Variants in ITGA11 observed in about 807,000 individuals in gnomAD.
The protein encoded by ITGA11 is integrin alpha-11.
Under a neutral mutation model 141.9 loss-of-function variants are expected in ITGA11, and 97 were observed. The ratio of observed to expected loss-of-function variants is 0.68; its 90% CI spans 0.58 to 0.81. ITGA11 has a LOEUF of 0.81. Among genes scored for constraint, ITGA11 ranks in the 30% least tolerant of loss-of-function variants. The probability of loss-of-function intolerance (pLI) is 0.00; values close to 1 mark genes in which losing one functional copy is unlikely to be tolerated. For synonymous variants in ITGA11, 658 were observed against 624.6 expected, an observed-to-expected ratio of 1.05 and a Z score of -0.80; for missense variants, 1,387 against 1,559.2, an observed-to-expected ratio of 0.89 and a Z score of 1.86.
Position 68,312,819 on chromosome 15 carries a change from A to G in ITGA11, c.2927T>C (p.Leu976Pro). The change falls in exon 24 of 30, where the codon CTG becomes CCG. Residue 976 changes from leucine (L) to proline (P), a missense_variant. Leu to Pro is a moderately conservative substitution (Grantham distance 98). Transcript: ENST00000315757. Reference protein sequence around the residue: ...SHYEVKPNSSLERYDGIGPPF... With the variant: ...SHYEVKPNSSPERYDGIGPPF... ...AGGCCCGATACCATCGTATCTCTCCAGCGAGCTGTTGGGCTTGACCTCGTA... is the reference window on the plus strand; with the variant it reads ...AGGCCCGATACCATCGTATCTCTCCGGCGAGCTGTTGGGCTTGACCTCGTA... The G allele has an allele frequency of 6.2e-7, 1 of 1,613,896 alleles. No homozygotes were observed. Among genetic ancestry groups the G allele is most frequent in the Non-Finnish European group, 8.5e-7 (1 of 1,179,834 alleles).
rs909256804 is a variant in ITGA11, at chr15:68,310,936, C to T, written c.3174+58G>A. On this transcript the variant is annotated intron_variant, in intron 26 of 29. Transcript: ENST00000315757. ...GTCGGGAGGGAAATGGCCCGCAGAGCACCGGCGGCACGCCTCTAACCCCAA... is the reference window on the plus strand; with the variant it reads ...GTCGGGAGGGAAATGGCCCGCAGAGTACCGGCGGCACGCCTCTAACCCCAA... The T allele has an allele frequency of 6.0e-6, 8 of 1,329,278 alleles. No homozygotes were observed. In the Admixed American group the frequency reaches 7.8e-5, roughly 13 times the overall value. 82.3% of individuals were successfully genotyped at this position (1,329,278 alleles called of 1,614,324 possible). A position where few individuals can be genotyped will look rare whatever the true frequency, so the allele number is the denominator to read the frequency against.
chr15:68,354,574 T>C (rs1226548409), intron 7 of ITGA11, among the ~76,000 whole-genome samples: 1 of 152,204 alleles, frequency 6.6e-6, no homozygotes, highest in Non-Finnish European at 1.5e-5. Flanking sequence ...TCCTTGACTT[T>C]CCCTCTCCTC....
intron 7 of ITGA11, among the ~76,000 whole-genome samples, chr15:68,355,370 TAAAG>T (rs972688548): frequency 6.6e-6 from 1 of 152,214 alleles, no homozygotes; most frequent in African/African-American, 2.4e-5. Flanking sequence ...GACTTAATTA[TAAAG>T]AGTTATGAGG....
chr15:68,332,730 CT>C (rs1336330661), intron 12 of ITGA11, among the ~76,000 whole-genome samples: 1 of 152,146 alleles, frequency 6.6e-6, no homozygotes, highest in African/African-American at 2.4e-5. Flanking sequence ...TTCTTTCTTT[CT>C]GTTAATTTTG....
chr15:68,316,902 C>A (rs922067897), intron 21 of ITGA11, among the ~76,000 whole-genome samples: 1 of 152,220 alleles, frequency 6.6e-6, no homozygotes, highest in African/African-American at 2.4e-5. Context: ...TAGGTACTCA[C>A]GAAATGGTAG....
At chr15:68,332,503 A>G (rs776291659) in intron 12 of ITGA11, 25 bp from the exon 13 acceptor site, 1 of 1,607,676 alleles carries the variant, frequency 6.2e-7, no homozygotes, top group Non-Finnish European at 8.5e-7. Flanking sequence ...GGGAGAGAGG[A>G]GTGGGCTGGC....
intron 20 of ITGA11, among the ~76,000 whole-genome samples, chr15:68,319,867 C>T (rs1415704311): frequency 6.6e-6 from 1 of 152,166 alleles, no homozygotes; most frequent in Admixed American, 6.5e-5. Context: ...CCAGGCCCAA[C>T]CCCAGAGCAA....
At chr15:68,348,408 T>C (rs1894804810) in intron 10 of ITGA11, among the ~76,000 whole-genome samples, 1 of 152,240 alleles carries the variant, frequency 6.6e-6, no homozygotes, top group African/African-American at 2.4e-5. Context: ...CACGTGCCAT[T>C]GGCTTTGCCA....
intron 20 of ITGA11, among the ~76,000 whole-genome samples, chr15:68,318,263 T>A (rs1474152243): frequency 6.6e-6 from 1 of 152,118 alleles, no homozygotes; most frequent in Admixed American, 6.5e-5. Flanking sequence ...TCTCTTTACC[T>A]CCACTCATTT....
intron 1 of ITGA11, among the ~76,000 whole-genome samples, chr15:68,430,748 C>T (rs1897249697): frequency 6.6e-6 from 1 of 152,210 alleles, no homozygotes; most frequent in Non-Finnish European, 1.5e-5. Flanking sequence ...CCTTCCAAGC[C>T]CCCACAACTC....
At position 68,348,880 on chromosome 15, in the gene ITGA11, A is replaced by G; in HGVS notation, c.1081T>C (p.Ser361Pro). 1 of 1,608,522 alleles carries G rather than the reference A, an allele frequency of 6.2e-7. No homozygotes were observed. ...SLEGTNKNET[S>P]FGLEMSQTGF... ...GTCTGTGACATCTCCAGCCCAAAGG[A>G]GGTCTCGTTCTTGTTGGTGCCTGCA... Residue 361 changes from serine to proline, a missense_variant, in exon 10 of 30, where the codon TCC (serine) becomes CCC (proline). Transcript: ENST00000315757.
In ITGA11 at chr15:68,410,429, C is replaced by T. The variant is rs141864974; in HGVS notation, c.53-7400G>A. 1.6e-3 allele frequency among the ~76,000 whole-genome samples: 241 copies of T among 152,176 alleles called. 1 individual carries two copies. The highest frequency in any genetic ancestry group is 5.3e-3 in the African/African-American group (218 of 41,516). On this transcript the variant is annotated intron_variant, in intron 1 of 29. Coordinates refer to ENST00000315757, the MANE Select transcript of ITGA11 (RefSeq NM_001004439.2). ...TTTACTTGGGCCCCAAGAATCTTCA[C>T]GTCTAAAAGCAAATCACAGAGAGGG...
chr15:68,329,019 A>G (rs1293462660), intron 15 of ITGA11, among the ~76,000 whole-genome samples: 1 of 152,234 alleles, frequency 6.6e-6, no homozygotes, highest in African/African-American at 2.4e-5. Context: ...ATAAAAAGAA[A>G]TAGAAGTAGA....
chr15:68,427,045 A>G (rs2140444393), intron 1 of ITGA11, among the ~76,000 whole-genome samples: 1 of 139,308 alleles, frequency 7.2e-6, no homozygotes, highest in Middle Eastern at 3.9e-3. Context: ...AAAAAAAGGC[A>G]GTGGCCTGGG....
intron 2 of ITGA11, among the ~76,000 whole-genome samples, chr15:68,393,392 T>C (rs1196558719): frequency 6.6e-6 from 1 of 152,136 alleles, no homozygotes; most frequent in Non-Finnish European, 1.5e-5. Flanking sequence ...GGAAACCCTA[T>C]GCAGAACAAA....
At chr15:68,419,481 C>A (rs1462929267) in intron 1 of ITGA11, among the ~76,000 whole-genome samples, 1 of 152,180 alleles carries the variant, frequency 6.6e-6, no homozygotes, top group East Asian at 1.9e-4. Context: ...TCTCAGAGAA[C>A]CCCTGAGGCC....
intron 2 of ITGA11, among the ~76,000 whole-genome samples, chr15:68,374,076 CAT>C (rs771451896): frequency 3.3e-5 from 5 of 152,274 alleles, no homozygotes; most frequent in Non-Finnish European, 5.9e-5. Context: ...TTAGAAATTC[CAT>C]ATGTTATTAT....
chr15:68,381,069 G>A (rs1269901824), intron 2 of ITGA11, among the ~76,000 whole-genome samples: 2 of 152,252 alleles, frequency 1.3e-5, no homozygotes, highest in Middle Eastern at 3.4e-3. Flanking sequence ...GCCTGGAACG[G>A]AGTTAACCTA....
chr15:68,350,522 G>A (rs1435849217), intron 9 of ITGA11, 95 bp downstream of exon 9: 4 of 1,218,412 alleles, frequency 3.3e-6, no homozygotes, highest in African/African-American at 3.1e-5. Context: ...CTCTTGTTAA[G>A]CCATTTCGTT....
Sources: gnomAD v4.1 joint callset for allele counts (sites outside exome capture counted in the v4.1 genomes callset) on GRCh38, gnomAD v4.1.1 for gene constraint, MANE v1.5 for transcripts, NCBI Gene and HGNC (gene_info 2026-07-23, HGNC 2026-07-21) for gene names.